FRAS1: variants seen among roughly 807,000 people sequenced by gnomAD.
The protein encoded by FRAS1 is Fraser extracellular matrix complex subunit 1, also known as extracellular matrix organizing protein FRAS1.
In FRAS1, 290 loss-of-function variants were observed where a neutral mutation model predicts 435.2. The observed-to-expected ratio is 0.67, with a 90% confidence interval of 0.61 to 0.73. FRAS1 has a LOEUF of 0.73. FRAS1 is among the 30% of genes least tolerant of loss of function. FRAS1 has a pLI of 0.00. For missense variants in FRAS1, 4,860 were observed against 5,001.5 expected (o/e 0.97, Z 0.85); for synonymous variants, 1,800 against 1,851.0 (o/e 0.97, Z 0.71).
At chr4:78,069,081 C>T (rs1175795166) in intron 2 of FRAS1, among the ~76,000 whole-genome samples, 1 of 152,164 alleles carries the variant, frequency 6.6e-6, no homozygotes, top group East Asian at 1.9e-4. Flanking sequence ...GCGTCATTTT[C>T]AAGAGCTGGC....
At chr4:78,488,829 C>T in intron 58 of FRAS1, 46 bp from the exon 59 acceptor site, 1 of 1,556,224 alleles carries the variant, frequency 6.4e-7, no homozygotes, top group Non-Finnish European at 8.8e-7. Flanking sequence ...CACAGCTTCC[C>T]TGTCTTCCAC....
chr4:78,456,138 C>CTTTTTTTT lies in FRAS1; in HGVS notation c.6763+3800_6763+3807dup, dbSNP rs753676442. Among the ~76,000 whole-genome samples the CTTTTTTTT allele has an allele frequency of 2.5e-3, 129 of 51,410 alleles. 3 individuals are homozygous for CTTTTTTTT. Among genetic ancestry groups the CTTTTTTTT allele is most frequent in the African/African-American group, 6.6e-3 (81 of 12,200 alleles). 33.7% of individuals were successfully genotyped at this position (51,410 alleles called of 152,430 possible). A position where few individuals can be genotyped will look rare whatever the true frequency, so the allele number is the denominator to read the frequency against. On this transcript the variant is annotated intron_variant, in intron 47 of 73. Transcript: ENST00000512123. Reference sequence around the variant, plus strand: ...AGCATTACTTGAAGAACACATGTCACTTTTTTTTTTTTTTTTTTTTTTTGA... The same window carrying CTTTTTTTT: ...AGCATTACTTGAAGAACACATGTCACTTTTTTTTTTTTTTTTTTTTTTTTTTTTTTTGA...
chr4:78,214,532 A>G (rs917767496), intron 2 of FRAS1, among the ~76,000 whole-genome samples: 4 of 152,232 alleles, frequency 2.6e-5, no homozygotes, highest in African/African-American at 4.8e-5. Context: ...TTTTAAAGCA[A>G]ATCCTTCATT....
intron 6 of FRAS1, among the ~76,000 whole-genome samples, chr4:78,256,723 A>G (rs116523540): frequency 1.3e-3 from 195 of 152,328 alleles, no homozygotes; most frequent in Admixed American, 2.1e-3. Flanking sequence ...GAAATTTGGT[A>G]CCATACTTTA....
chr4:78,163,007 A>G (rs1466130099), intron 2 of FRAS1, among the ~76,000 whole-genome samples: 2 of 152,196 alleles, frequency 1.3e-5, no homozygotes, highest in African/African-American at 2.4e-5. Context: ...AGACCTGACC[A>G]TGCGGGGCTA....
chr4:78,228,533 T>G (rs887431200), intron 2 of FRAS1, among the ~76,000 whole-genome samples: 1 of 152,220 alleles, frequency 6.6e-6, no homozygotes, highest in Non-Finnish European at 1.5e-5. Flanking sequence ...TCTGGGTATT[T>G]TATTTTATTC....
chr4:78,301,854 T>TTG (rs1553941021), intron 14 of FRAS1, among the ~76,000 whole-genome samples: 2 of 149,984 alleles, frequency 1.3e-5, no homozygotes, highest in South Asian at 2.1e-4. Context: ...CAGTTTTTTT[T>TTG]TTTTTTTTTT....
chr4:78,397,525 G>C (rs1732718291), intron 29 of FRAS1, among the ~76,000 whole-genome samples: 1 of 152,156 alleles, frequency 6.6e-6, no homozygotes, highest in Admixed American at 6.6e-5. Context: ...GCTGGCTATG[G>C]GAGGGGGTGC....
chr4:78,456,161 T>TTTTTTTTGG (rs1578335770), intron 47 of FRAS1, among the ~76,000 whole-genome samples: 1 of 148,172 alleles, frequency 6.7e-6, no homozygotes, highest in Non-Finnish European at 1.5e-5. Flanking sequence ...TTTTTTTTTT[T>TTTTTTTTGG]GAGACGGAGT....
chr4:78,267,319 G>A lies in FRAS1; in HGVS notation c.868G>A (p.Val290Ile). Reference sequence around the variant, plus strand: ...TGCCGGGAGCTGCTCCTATGATGGAGTTGTGCGGTACCAGGACGAAATGTG... The same window carrying A: ...TGCCGGGAGCTGCTCCTATGATGGAATTGTGCGGTACCAGGACGAAATGTG... ...SPAGSCSYDG[V>I]VRYQDEMWKG... The change falls in exon 9 of 74, where the codon GTT (valine) becomes ATT (isoleucine). Residue 290 changes from valine to isoleucine, a missense_variant. Transcript: ENST00000512123. 1 of 1,613,906 alleles carries A rather than the reference G, an allele frequency of 6.2e-7. No individual in the cohort carries two copies. The highest frequency in any genetic ancestry group is 8.5e-7 in the Non-Finnish European group (1 of 1,179,858).
intron 2 of FRAS1, among the ~76,000 whole-genome samples, chr4:78,081,806 A>G (rs1740909226): frequency 6.6e-6 from 1 of 152,130 alleles, no homozygotes; most frequent in Non-Finnish European, 1.5e-5. Flanking sequence ...TTCTTACCTA[A>G]GAAAGCTTCC....
intron 2 of FRAS1, among the ~76,000 whole-genome samples, chr4:78,100,926 G>A (rs1742093089): frequency 6.6e-6 from 1 of 152,306 alleles, no homozygotes; most frequent in East Asian, 1.9e-4. Context: ...AAAGCCCACT[G>A]TCTTTCCACC....
intron 2 of FRAS1, among the ~76,000 whole-genome samples, chr4:78,151,811 CT>C (rs1720677959): frequency 6.6e-6 from 1 of 152,090 alleles, no homozygotes; most frequent in African/African-American, 2.4e-5. Context: ...TGAGGAGATG[CT>C]TTCCTTGGCT....
chr4:78,235,110 T>C (rs1195679792), intron 2 of FRAS1, among the ~76,000 whole-genome samples: 3 of 152,162 alleles, frequency 2.0e-5, no homozygotes, highest in African/African-American at 7.2e-5. Context: ...GAAACCTCAG[T>C]TTTTGTGGTT....
At chr4:78,459,475 A>G (rs1253065249) in intron 47 of FRAS1, among the ~76,000 whole-genome samples, 1 of 152,248 alleles carries the variant, frequency 6.6e-6, no homozygotes, top group Non-Finnish European at 1.5e-5. Flanking sequence ...ATTCCACCTA[A>G]GAGAGTGGTG....
At chr4:78,085,529 T>C (rs1275563844) in intron 2 of FRAS1, among the ~76,000 whole-genome samples, 1 of 152,138 alleles carries the variant, frequency 6.6e-6, no homozygotes, top group Admixed American at 6.6e-5. Context: ...CAGTTTTGAA[T>C]ATCTGGAAGA....
intron 2 of FRAS1, among the ~76,000 whole-genome samples, chr4:78,186,251 C>CT (rs879736836): frequency 3.5e-4 from 52 of 146,572 alleles, no homozygotes; most frequent in African/African-American, 6.2e-4. Context: ...CTTGCTCATA[C>CT]TTTTTTTTTT....
chr4:78,086,785 C>T (rs1741202541), intron 2 of FRAS1, among the ~76,000 whole-genome samples: 1 of 152,116 alleles, frequency 6.6e-6, no homozygotes, highest in African/African-American at 2.4e-5. Context: ...TAATTAATAG[C>T]TTACCAACCA....
chr4:78,117,395 T>C (rs1182453189), intron 2 of FRAS1, among the ~76,000 whole-genome samples: 1 of 152,186 alleles, frequency 6.6e-6, no homozygotes, highest in Admixed American at 6.5e-5. Context: ...CTAGATTGGG[T>C]AAGTTCTCTT....
Sources: allele counts gnomAD v4.1 joint callset (sites outside exome capture counted in the v4.1 genomes callset), GRCh38; gene constraint gnomAD v4.1.1; transcripts MANE v1.5; gene names NCBI Gene and HGNC (gene_info 2026-07-23, HGNC 2026-07-21).